The following SPARCL1 variants were observed in gnomAD, a reference collection of about 807,000 sequenced individuals.
SPARCL1 encodes SPARC-like protein 1.
In SPARCL1, 52 loss-of-function variants were observed where a neutral mutation model predicts 67.1. The ratio of observed to expected loss-of-function variants is 0.78; its 90% CI spans 0.62 to 0.98. The LOEUF (loss-of-function observed/expected upper bound fraction) is 0.98. SPARCL1 is among the 50% of genes least tolerant of loss of function. The pLI is 0.00. For missense variants in SPARCL1, 717 were observed against 782.4 expected (o/e 0.92, Z 1.00); for synonymous variants, 226 against 267.8 (o/e 0.84, Z 1.52).
chr4:87,506,104 C>T (rs1311488248), intron 1 of SPARCL1, among the ~76,000 whole-genome samples: 1 of 152,098 alleles, frequency 6.6e-6, no homozygotes, highest in Non-Finnish European at 1.5e-5. Context: ...AAAAATGTCT[C>T]CAGACATTGC....
At position 87,473,389 on chromosome 4, in the gene SPARCL1, G is replaced by A. The variant is rs1348511742; in HGVS notation, c.*386C>T. Reference sequence around the variant, plus strand: ...TATTAAGATATTGAAAATAATACACGTAAACCACAAAAGAGTAGCATTCCA... The same window carrying A: ...TATTAAGATATTGAAAATAATACACATAAACCACAAAAGAGTAGCATTCCA... On this transcript the variant is annotated 3_prime_UTR_variant, in exon 11 of 11. Coordinates refer to ENST00000282470, the MANE Select transcript of SPARCL1 (RefSeq NM_004684.6). The A allele has an allele frequency of 5.1e-5, 8 of 157,128 alleles. No homozygotes were observed. Among genetic ancestry groups the A allele is most frequent in the Admixed American group, 1.9e-4 (3 of 15,434 alleles). 9.7% of individuals were successfully genotyped at this position (157,128 alleles called of 1,614,324 possible).
At chr4:87,479,281 A>AC in intron 10 of SPARCL1, 149 bp downstream of exon 10, 2 of 764,856 alleles carry the variant, frequency 2.6e-6, no homozygotes, top group Non-Finnish European at 4.4e-6. Context: ...CAGCATGTGC[A>AC]CCAAGGGAGT....
chr4:87,477,699 C>T (rs1723636761), intron 10 of SPARCL1, among the ~76,000 whole-genome samples: 1 of 152,158 alleles, frequency 6.6e-6, no homozygotes, highest in South Asian at 2.1e-4. Flanking sequence ...CCCTTAGCTG[C>T]AGTCAAGCCA....
chr4:87,495,531 C>T (rs1404738188), intron 2 of SPARCL1, among the ~76,000 whole-genome samples: 2 of 152,012 alleles, frequency 1.3e-5, no homozygotes, highest in Admixed American at 1.3e-4. Context: ...GTACATTTGC[C>T]TAATTTAAGT....
chr4:87,521,332 T>C (rs983881402), intron 1 of SPARCL1, among the ~76,000 whole-genome samples: 2 of 152,200 alleles, frequency 1.3e-5, no homozygotes, highest in African/African-American at 4.8e-5. Flanking sequence ...TCTTTCCTTT[T>C]CTCTTAAGCA....
chr4:87,516,144 A>C (rs944520644), intron 1 of SPARCL1, among the ~76,000 whole-genome samples: 5 of 152,198 alleles, frequency 3.3e-5, no homozygotes, highest in African/African-American at 1.2e-4. Flanking sequence ...CACAGAAGAC[A>C]CTTCAACAGT....
rs1724469927 is a variant in SPARCL1, at chr4:87,493,785, C to G, written c.1015G>C (p.Asp339His). The G allele has an allele frequency of 6.2e-7, 1 of 1,613,996 alleles. No individual in the cohort carries two copies. The highest frequency in any genetic ancestry group is 1.3e-5 in the African/African-American group (1 of 74,898). The change falls in exon 4 of 11, where the codon GAT (aspartate) becomes CAT (histidine). Residue 339 changes from aspartate (D) to histidine (H), a missense_variant. Transcript: ENST00000282470. ...NTTPRNHGVDDDGDDDGDDGG... is the reference protein window; with the variant it reads ...NTTPRNHGVDHDGDDDGDDGG... ...TCATCGCCATCATCATCGCCATCAT[C>G]ATCAACTCCATGATTTCTGGGCGTG... is the stretch of plus-strand genomic sequence containing the variant.
chr4:87,484,859 C>G (rs58990169), intron 7 of SPARCL1, among the ~76,000 whole-genome samples: 2 of 152,066 alleles, frequency 1.3e-5, no homozygotes, highest in African/African-American at 4.8e-5. Flanking sequence ...TGATTTGGCT[C>G]TCTGCTTGTC....
chr4:87,478,868 G>A (rs34735165), intron 10 of SPARCL1, among the ~76,000 whole-genome samples: 299 of 152,272 alleles, frequency 2.0e-3, no homozygotes, highest in Non-Finnish European at 3.4e-3. Context: ...CACTGCAGGA[G>A]TAAAGAAAGA....
intron 7 of SPARCL1, among the ~76,000 whole-genome samples, chr4:87,486,327 A>C (rs1342824294): frequency 6.6e-6 from 1 of 152,152 alleles, no homozygotes; most frequent in Non-Finnish European, 1.5e-5. Context: ...TTATTTACCC[A>C]GTAGTCATTC....
Position 87,508,782 on chromosome 4 carries a change from A to G in SPARCL1, c.-11-9197T>C, listed in dbSNP as rs866150196. ...GAGACAGGAACCGTGGATGAAACAT[A>G]TGTGTGTGTGTGTGTGTGTGTGTGT... On this transcript the variant is annotated intron_variant, in intron 1 of 10. Transcript: ENST00000282470. 5.0e-3 allele frequency among the ~76,000 whole-genome samples: 696 copies of G among 140,120 alleles called. 8 individuals are homozygous for G. Among genetic ancestry groups the G allele is most frequent in the African/African-American group, 0.017 (644 of 37,892 alleles). 91.9% of individuals were successfully genotyped at this position (140,120 alleles called of 152,430 possible).
intron 1 of SPARCL1, among the ~76,000 whole-genome samples, chr4:87,502,080 A>C (rs960606548): frequency 2.0e-5 from 3 of 152,000 alleles, no homozygotes; most frequent in African/African-American, 7.3e-5. Flanking sequence ...CTAGGATTAC[A>C]GGGATGAGCC....
chr4:87,480,018 A>T, intron 9 of SPARCL1, among the ~76,000 whole-genome samples: 1 of 148,476 alleles, frequency 6.7e-6, no homozygotes, highest in Non-Finnish European at 1.5e-5. Context: ...ATATTCTGCT[A>T]TCTTCACAGC....
chr4:87,486,946 T>C (rs951362443), intron 7 of SPARCL1, among the ~76,000 whole-genome samples: 2 of 138,056 alleles, frequency 1.4e-5, no homozygotes, highest in Admixed American at 1.4e-4. Context: ...CAATTCTTGG[T>C]AAATAGTCCT....
At chr4:87,504,052 T>G (rs758258876) in intron 1 of SPARCL1, among the ~76,000 whole-genome samples, 2 of 151,366 alleles carry the variant, frequency 1.3e-5, no homozygotes, top group Non-Finnish European at 2.9e-5. Context: ...CAAATCCAGG[T>G]GGTCCAGGGT....
chr4:87,526,919 A>T (rs1359401736), intron 1 of SPARCL1, among the ~76,000 whole-genome samples: 3 of 152,206 alleles, frequency 2.0e-5, no homozygotes, highest in Admixed American at 6.5e-5. Flanking sequence ...TTATAATCCC[A>T]TTTCCATGAA....
chr4:87,480,314 T>C (rs938997229), intron 9 of SPARCL1, 58 bp downstream of exon 9: 3 of 1,438,630 alleles, frequency 2.1e-6, no homozygotes, highest in African/African-American at 1.4e-5. Context: ...TTTGCATAGA[T>C]ATGTAGATAT....
At chr4:87,498,131 C>A (rs1182015004) in intron 2 of SPARCL1, among the ~76,000 whole-genome samples, 1 of 152,130 alleles carries the variant, frequency 6.6e-6, no homozygotes, top group Non-Finnish European at 1.5e-5. Flanking sequence ...CAGGAGAAAA[C>A]AACGGTTTTG....
At chr4:87,514,880 TACTTTGAAA>T in intron 1 of SPARCL1, among the ~76,000 whole-genome samples, 1 of 152,358 alleles carries the variant, frequency 6.6e-6, no homozygotes, top group East Asian at 1.9e-4. Flanking sequence ...GCTTGCAAAG[TACTTTGAAA>T]AATCAAAACC....
Sources: allele counts gnomAD v4.1 joint callset (sites outside exome capture counted in the v4.1 genomes callset), GRCh38; gene constraint gnomAD v4.1.1; transcripts MANE v1.5; gene names NCBI Gene and HGNC (gene_info 2026-07-23, HGNC 2026-07-21).